Variants in SOHLH2 observed in about 807,000 individuals in gnomAD.
SOHLH2 encodes spermatogenesis and oogenesis specific basic helix-loop-helix 2, also known as spermatogenesis- and oogenesis-specific basic helix-loop-helix-containing protein 2.
Under a neutral mutation model 50.4 loss-of-function variants are expected in SOHLH2, and 22 were observed. That is an observed-to-expected ratio of 0.44 (90% CI 0.31 to 0.62). The LOEUF (loss-of-function observed/expected upper bound fraction) is 0.62. Ranked by LOEUF, SOHLH2 falls within the 20% of genes least tolerant of loss-of-function variation. The pLI, the probability that SOHLH2 is intolerant of heterozygous loss-of-function variation, is 0.08. For synonymous variants in SOHLH2, 185 were observed against 187.3 expected (o/e 0.99, Z 0.10); for missense variants, 412 against 504.4 (o/e 0.82, Z 1.76).
intron 1 of SOHLH2, among the ~76,000 whole-genome samples, chr13:36,209,679 C>T (rs1868992772): frequency 6.6e-6 from 1 of 152,178 alleles, no homozygotes; most frequent in Admixed American, 6.5e-5. Context: ...CATATGAATT[C>T]GGTAGAGGGC....
At chr13:36,177,480 G>A (rs112586474) in intron 6 of SOHLH2, among the ~76,000 whole-genome samples, 3 of 152,150 alleles carry the variant, frequency 2.0e-5, no homozygotes, top group African/African-American at 7.2e-5. Flanking sequence ...ATAAAAACAG[G>A]CAGAACTCTT....
chr13:36,193,535 T>A, intron 4 of SOHLH2, 86 bp downstream of exon 4: 1 of 1,370,228 alleles, frequency 7.3e-7, no homozygotes, highest in East Asian at 2.4e-5. Flanking sequence ...TTTATTTTAT[T>A]TATGCTTGTT....
intron 1 of SOHLH2, among the ~76,000 whole-genome samples, chr13:36,204,890 A>G (rs1392951243): frequency 1.3e-5 from 2 of 152,186 alleles, no homozygotes; most frequent in Non-Finnish European, 2.9e-5. Flanking sequence ...CTCCGTATTT[A>G]GGAAGTATGC....
rs2138260272 is a variant in SOHLH2, at chr13:36,168,527, G to A, written c.*507C>T. On this transcript the variant is annotated 3_prime_UTR_variant, in exon 11 of 11. Transcript: ENST00000379881. Reference sequence around the variant, plus strand: ...CTCTCTGCATATCTTAGTTTGGATGGTGAATGAAGAAGGAAACTCTCTAAA... The same window carrying A: ...CTCTCTGCATATCTTAGTTTGGATGATGAATGAAGAAGGAAACTCTCTAAA... 6.5e-6 allele frequency: 1 copy of A among 153,528 alleles called. No individual in the cohort carries two copies. The highest frequency in any genetic ancestry group is 2.1e-4 in the South Asian group (1 of 4,830). The allele number at this position is 153,528 out of a possible 1,614,324, so 9.5% of individuals were successfully genotyped here.
intron 2 of SOHLH2, among the ~76,000 whole-genome samples, chr13:36,194,208 A>G (rs949941858): frequency 6.6e-6 from 1 of 152,054 alleles, no homozygotes; most frequent in African/African-American, 2.4e-5. Context: ...CTGTAAGACA[A>G]ATGACTCCTT....
At chr13:36,206,098 T>C (rs1365730663) in intron 1 of SOHLH2, among the ~76,000 whole-genome samples, 2 of 152,036 alleles carry the variant, frequency 1.3e-5, no homozygotes, top group Non-Finnish European at 2.9e-5. Context: ...AATATAGAAC[T>C]GTGTAGTCCA....
chr13:36,206,604 A>G (rs1868777793), intron 1 of SOHLH2, among the ~76,000 whole-genome samples: 1 of 152,020 alleles, frequency 6.6e-6, no homozygotes. Flanking sequence ...ATAGCCTAAT[A>G]CACAGTTTTT....
At chr13:36,202,173 A>G in intron 1 of SOHLH2, 80 bp from the exon 2 acceptor site, 1 of 1,524,000 alleles carries the variant, frequency 6.6e-7, no homozygotes, top group Non-Finnish European at 8.9e-7. Context: ...GGATAAGATA[A>G]ATAAAGCTCA....
Position 36,173,476 on chromosome 13 carries a change from G to A in SOHLH2, c.1000+216C>T, listed in dbSNP as rs1035466474. Among the ~76,000 whole-genome samples the A allele has an allele frequency of 2.0e-5, 3 of 152,208 alleles. No homozygotes were observed. In the East Asian group the frequency reaches 5.8e-4, roughly 29 times the overall value. Reference sequence around the variant, plus strand: ...TGCTTATCATCTATCAACAGAATGAGCTTTCTGGTAATTACGGTCAATTTT... The same window carrying A: ...TGCTTATCATCTATCAACAGAATGAACTTTCTGGTAATTACGGTCAATTTT... On this transcript the variant is annotated intron_variant, in intron 9 of 10. Transcript: ENST00000379881.
intron 1 of SOHLH2, among the ~76,000 whole-genome samples, chr13:36,206,402 T>C (rs1340650422): frequency 1.3e-5 from 2 of 152,108 alleles, no homozygotes; most frequent in Non-Finnish European, 2.9e-5. Flanking sequence ...TTTCAGTTGA[T>C]AGTTCCATTT....
chr13:36,186,226 A>G (rs1887413610), intron 6 of SOHLH2, among the ~76,000 whole-genome samples: 1 of 152,232 alleles, frequency 6.6e-6, no homozygotes, highest in Non-Finnish European at 1.5e-5. Context: ...AAAGACTGAC[A>G]AAATTTTACA....
intron 6 of SOHLH2, among the ~76,000 whole-genome samples, chr13:36,183,584 T>C: frequency 6.6e-6 from 1 of 151,964 alleles, no homozygotes; most frequent in East Asian, 1.9e-4. Context: ...ATAGAAAAAT[T>C]GTGAACCTAA....
At chr13:36,211,636 A>G (rs1227738709) in intron 1 of SOHLH2, among the ~76,000 whole-genome samples, 2 of 152,266 alleles carry the variant, frequency 1.3e-5, no homozygotes, top group Admixed American at 6.5e-5. Context: ...GACAGACCAC[A>G]GTCCTGTCAC....
At chr13:36,169,601 T>C (rs1886908310) in intron 10 of SOHLH2, among the ~76,000 whole-genome samples, 1 of 152,254 alleles carries the variant, frequency 6.6e-6, no homozygotes, top group African/African-American at 2.4e-5. Flanking sequence ...ATGTTAGCTA[T>C]TGTTAATATG....
chr13:36,177,001 C>T (rs894974481), intron 6 of SOHLH2, among the ~76,000 whole-genome samples: 4 of 151,854 alleles, frequency 2.6e-5, no homozygotes, highest in African/African-American at 4.8e-5. Flanking sequence ...ATATATGTAA[C>T]GAAAATCCTA....
intron 8 of SOHLH2, 137 bp downstream of exon 8, chr13:36,174,339 G>T: frequency 1.9e-6 from 2 of 1,035,184 alleles, no homozygotes; most frequent in East Asian, 2.5e-5. Flanking sequence ...ATACACATCG[G>T]CAATTAGAAA....
chr13:36,205,434 T>G (rs935760577), intron 1 of SOHLH2, among the ~76,000 whole-genome samples: 2 of 152,144 alleles, frequency 1.3e-5, no homozygotes, highest in Admixed American at 1.3e-4. Flanking sequence ...TAAAAAAGTT[T>G]CTATTTGGAA....
intron 2 of SOHLH2, among the ~76,000 whole-genome samples, chr13:36,195,850 A>G (rs1157963239): frequency 6.6e-6 from 1 of 152,152 alleles, no homozygotes; most frequent in Non-Finnish European, 1.5e-5. Context: ...AGAGAGAGGA[A>G]AGGAAAGAAT....
intron 1 of SOHLH2, among the ~76,000 whole-genome samples, chr13:36,202,803 T>C (rs1868505766): frequency 6.6e-6 from 1 of 152,184 alleles, no homozygotes; most frequent in Non-Finnish European, 1.5e-5. Flanking sequence ...GCCATAGACA[T>C]CTGTATGAGA....
Sources: allele counts gnomAD v4.1 joint callset (sites outside exome capture counted in the v4.1 genomes callset), GRCh38; gene constraint gnomAD v4.1.1; transcripts MANE v1.5; gene names NCBI Gene and HGNC (gene_info 2026-07-23, HGNC 2026-07-21).